The following ANKRD22 variants were observed in gnomAD, a reference collection of about 807,000 sequenced individuals.
ANKRD22 encodes ankyrin repeat domain-containing protein 22.
A neutral mutation model predicts 25.7 loss-of-function variants in ANKRD22; 24 were observed. The ratio of observed to expected loss-of-function variants is 0.93; its 90% confidence interval spans 0.68 to 1.31. ANKRD22 has a LOEUF of 1.31. ANKRD22 is among the 50% of genes most tolerant of loss of function. The probability of loss-of-function intolerance (pLI) is 0.00; values close to 1 mark genes in which losing one functional copy is unlikely to be tolerated. For synonymous variants in ANKRD22, 84 were observed against 84.3 expected (o/e 1.00, Z 0.02); for missense variants, 214 against 227.1 (o/e 0.94, Z 0.37).
In ANKRD22 at chr10:88,823,016, A is replaced by G; in HGVS notation, c.501T>C (p.His167=). 1 of 1,613,084 alleles carries G rather than the reference A, an allele frequency of 6.2e-7. No homozygotes were observed. The highest frequency in any genetic ancestry group is 1.1e-5 in the South Asian group (1 of 91,044). ...ARADPTIKNK[H]GESSLDIARR... ...GTGCAATATCCAGTGAGCTCTCACC[A>G]TGCTGAGGGGGGAAAAATATACAGT... The change falls in exon 6 of 6, where the codon CAT becomes CAC. Residue 167 remains histidine (H), a splice_region_variant and synonymous_variant. Coordinates refer to ENST00000371930, the MANE Select transcript of ANKRD22 (RefSeq NM_144590.3).
intron 5 of ANKRD22, 107 bp from the exon 6 acceptor site, chr10:88,823,125 A>G: frequency 1.6e-6 from 2 of 1,246,596 alleles, no homozygotes; most frequent in Non-Finnish European, 2.3e-6. Flanking sequence ...AAAGGCAATC[A>G]GTCCTAATAG....
intron 2 of ANKRD22, among the ~76,000 whole-genome samples, chr10:88,830,070 T>G (rs771600457): frequency 5.3e-5 from 8 of 152,226 alleles, no homozygotes; most frequent in African/African-American, 2.4e-5. Context: ...ATTCCAGACA[T>G]GAGCCACTGC....
chr10:88,829,773 G>C (rs1246909820), intron 2 of ANKRD22, among the ~76,000 whole-genome samples: 2 of 152,142 alleles, frequency 1.3e-5, no homozygotes, highest in Admixed American at 1.3e-4. Context: ...TGAGGGTTTT[G>C]TTTTTGTTTT....
intron 4 of ANKRD22, 93 bp from the exon 5 acceptor site, chr10:88,823,471 G>T: frequency 1.1e-6 from 1 of 913,324 alleles, no homozygotes; most frequent in Non-Finnish European, 1.8e-6. Flanking sequence ...TTCACACTTT[G>T]TAGTATACAA....
In ANKRD22 at chr10:88,842,352, A is replaced by C. The variant is rs143685009; in HGVS notation, c.21+9235T>G. Among the ~76,000 whole-genome samples the C allele has an allele frequency of 6.1e-3, 929 of 152,230 alleles. 10 individuals carry two copies. The highest frequency in any genetic ancestry group is 0.021 in the African/African-American group (857 of 41,558). Reference sequence around the variant, plus strand: ...CTCTTTATAGCTAGTGAGTAGCATAACTAGAATTTATACTCTGGTCTATCT... The same window carrying C: ...CTCTTTATAGCTAGTGAGTAGCATACCTAGAATTTATACTCTGGTCTATCT... On this transcript the variant is annotated intron_variant, in intron 1 of 5. Transcript: ENST00000371930.
intron 1 of ANKRD22, among the ~76,000 whole-genome samples, chr10:88,844,489 T>C (rs1564607456): frequency 6.6e-6 from 1 of 152,082 alleles, no homozygotes; most frequent in Non-Finnish European, 1.5e-5. Flanking sequence ...ACGCCTCCCA[T>C]TCTCATCTCT....
At chr10:88,848,779 A>G (rs1200519633) in intron 1 of ANKRD22, among the ~76,000 whole-genome samples, 1 of 152,158 alleles carries the variant, frequency 6.6e-6, no homozygotes, top group East Asian at 1.9e-4. Context: ...TGGCCATTCA[A>G]TTAGTCACAT....
At chr10:88,836,268 G>T (rs1342998147) in intron 1 of ANKRD22, among the ~76,000 whole-genome samples, 1 of 152,164 alleles carries the variant, frequency 6.6e-6, no homozygotes, top group Non-Finnish European at 1.5e-5. Context: ...GTGACTACAT[G>T]AGGCTACATT....
At chr10:88,837,773 A>G (rs930462112) in intron 1 of ANKRD22, among the ~76,000 whole-genome samples, 3 of 152,196 alleles carry the variant, frequency 2.0e-5, no homozygotes, top group African/African-American at 7.2e-5. Flanking sequence ...GGTCTTTCCC[A>G]TGCTGTTCTC....
chr10:88,835,763 C>A (rs958698837), intron 1 of ANKRD22, among the ~76,000 whole-genome samples: 1 of 152,082 alleles, frequency 6.6e-6, no homozygotes, highest in Non-Finnish European at 1.5e-5. Flanking sequence ...GTCGCACTAA[C>A]GCTGAAGACT....
intron 2 of ANKRD22, among the ~76,000 whole-genome samples, chr10:88,831,202 A>T (rs976490134): frequency 6.6e-6 from 1 of 152,228 alleles, no homozygotes; most frequent in African/African-American, 2.4e-5. Context: ...CTAGATGTTC[A>T]GAAAGGGCTC....
chr10:88,844,519 G>C (rs559331878), intron 1 of ANKRD22, among the ~76,000 whole-genome samples: 22 of 152,000 alleles, frequency 1.4e-4, no homozygotes, highest in African/African-American at 5.1e-4. Context: ...TTCCAAAAAA[G>C]GTATTTCTAA....
intron 1 of ANKRD22, among the ~76,000 whole-genome samples, chr10:88,837,523 A>G (rs922029157): frequency 2.0e-5 from 3 of 152,238 alleles, no homozygotes; most frequent in African/African-American, 7.2e-5. Flanking sequence ...AAAGCAAGGG[A>G]GAAAAGAGAG....
chr10:88,828,698 A>G, intron 2 of ANKRD22, 32 bp from the exon 3 acceptor site: 1 of 1,470,958 alleles, frequency 6.8e-7, no homozygotes, highest in Non-Finnish European at 9.3e-7. Context: ...CTTTACTAAT[A>G]AAGCATTTCA....
chr10:88,840,530 A>G (rs1843994610), intron 1 of ANKRD22, among the ~76,000 whole-genome samples: 1 of 152,152 alleles, frequency 6.6e-6, no homozygotes, highest in Non-Finnish European at 1.5e-5. Context: ...CTAAGGAAAG[A>G]CTGTGTAGAA....
At chr10:88,851,149 C>G (rs1425708835) in intron 1 of ANKRD22, among the ~76,000 whole-genome samples, 1 of 152,026 alleles carries the variant, frequency 6.6e-6, no homozygotes, top group Non-Finnish European at 1.5e-5. Flanking sequence ...AGGTGAATCT[C>G]CCTTCAAATA....
chr10:88,823,177 A>T, intron 5 of ANKRD22, 103 bp downstream of exon 5: 2 of 1,257,726 alleles, frequency 1.6e-6, no homozygotes, highest in Non-Finnish European at 2.3e-6. Flanking sequence ...GATTAATTTT[A>T]CTGTTGTTTA....
At chr10:88,825,494 G>A (rs777821684) in intron 4 of ANKRD22, among the ~76,000 whole-genome samples, 1 of 152,198 alleles carries the variant, frequency 6.6e-6, no homozygotes, top group African/African-American at 2.4e-5. Flanking sequence ...TTGCACACGG[G>A]GCCTCTCATC....
In ANKRD22 at chr10:88,820,971, GACA is replaced by G. The variant is rs989661813; in HGVS notation, c.*1967_*1969del. The stretch of plus-strand genomic sequence containing the variant: ...CCTCAGGAAGCTGAGCTGCTTTAAG[GACA>G]ACAACAACAAAATCAGTGTTACAGT... On this transcript the variant is annotated 3_prime_UTR_variant, in exon 6 of 6. Transcript: ENST00000371930. 6.6e-6 allele frequency among the ~76,000 whole-genome samples: 1 copy of G among 152,092 alleles called. No homozygotes were observed. Among genetic ancestry groups the G allele is most frequent in the African/African-American group, 2.4e-5 (1 of 41,404 alleles).
Sources: gnomAD v4.1 joint callset for allele counts (sites outside exome capture counted in the v4.1 genomes callset) on GRCh38, gnomAD v4.1.1 for gene constraint, MANE v1.5 for transcripts, NCBI Gene and HGNC (gene_info 2026-07-23, HGNC 2026-07-21) for gene names.